Variants in DNAAF4 observed in about 807,000 individuals in gnomAD.
DNAAF4 encodes dynein axonemal assembly factor 4, also known as dynein assembly factor 4, axonemal.
A neutral mutation model predicts 51.8 loss-of-function variants in DNAAF4; 43 were observed. The ratio of observed to expected loss-of-function variants is 0.83; its 90% confidence interval spans 0.65 to 1.07. The LOEUF is 1.07. DNAAF4 is among the 50% of genes least tolerant of loss of function. The pLI is 0.00. For missense variants in DNAAF4, 581 were observed against 493.0 expected, an observed-to-expected ratio of 1.18 and a Z score of -1.69; for synonymous variants, 194 against 165.6, an observed-to-expected ratio of 1.17 and a Z score of -1.32.
chr15:55,476,682 T>TA (rs2141541993), intron 4 of DNAAF4, among the ~76,000 whole-genome samples: 1 of 152,130 alleles, frequency 6.6e-6, no homozygotes, highest in South Asian at 2.1e-4. Flanking sequence ...CAAAGTATGC[T>TA]AAAAAATATA....
intron 1 of DNAAF4, among the ~76,000 whole-genome samples, chr15:55,500,992 CAA>C (rs111778667): frequency 0.15 from 9,579 of 65,754 alleles, 1,043 homozygotes; most frequent in African/African-American, 0.29. Context: ...AACTGAGTCT[CAA>C]AAAAAAAAAA....
Position 55,434,990 on chromosome 15 carries a change from T to C in DNAAF4, c.962A>G (p.Asn321Ser). The stretch of plus-strand genomic sequence containing the variant: ...GTTCAAATACAATAGTGGCATCTTA[T>C]TATTTAGTCTTATGGCTAAATTATA... ...NAYNLAIRLN[N>S]KMPLLYLNRA... is the part of the protein sequence containing the mutation. Residue 321 changes from asparagine to serine, a missense_variant, in exon 8 of 10, where the codon AAT (asparagine) becomes AGT (serine). Physicochemically the swap from Asn to Ser is conservative, Grantham distance 46. Coordinates refer to ENST00000321149, the MANE Select transcript of DNAAF4 (RefSeq NM_130810.4). The C allele has an allele frequency of 6.2e-7, 1 of 1,613,234 alleles. No individual in the cohort carries two copies. The highest frequency in any genetic ancestry group is 1.7e-5 in the Admixed American group (1 of 59,824).
At position 55,450,275 on chromosome 15, in the gene DNAAF4, G is replaced by A. The variant is rs374673795; in HGVS notation, c.730C>T (p.Pro244Ser). 6.2e-7 allele frequency: 1 copy of A among 1,614,010 alleles called. No homozygotes were observed. Among genetic ancestry groups the A allele is most frequent in the Non-Finnish European group, 8.5e-7 (1 of 1,180,002 alleles). Residue 244 changes from proline to serine, a missense_variant, in exon 6 of 10, where the codon CCT (proline) becomes TCT (serine). Transcript: ENST00000321149. The part of the protein sequence containing the change: ...SVGSIKINFT[P>S]RVFPTALRES... ...CGAAGAGCTGTTGGGAATACTCGAG[G>A]GGTAAAGTTGATTTTAATACTGCCA...
intron 6 of DNAAF4, among the ~76,000 whole-genome samples, chr15:55,448,883 AATT>A (rs948737170): frequency 5.3e-5 from 8 of 151,116 alleles, no homozygotes; most frequent in Middle Eastern, 3.5e-3. Context: ...AAATAATAAT[AATT>A]ATTATTATTA....
intron 4 of DNAAF4, among the ~76,000 whole-genome samples, chr15:55,488,113 T>C (rs2058518134): frequency 7.4e-6 from 1 of 135,798 alleles, no homozygotes; most frequent in African/African-American, 3.0e-5. Context: ...CCAATCTTTT[T>C]CTTTTTCTTT....
At chr15:55,418,941 G>GTTTTT (rs1243882949) in intron 7 of DNAAF4, among the ~76,000 whole-genome samples, 2 of 136,024 alleles carry the variant, frequency 1.5e-5, no homozygotes, top group Non-Finnish European at 3.1e-5. Context: ...TTTTTTTTGA[G>GTTTTT]TGAGTTGGAG....
chr15:55,490,878 C>T (rs1044224442), intron 4 of DNAAF4: 19 of 304,530 alleles, frequency 6.2e-5, no homozygotes, highest in African/African-American at 2.8e-4. Context: ...GGCATGAACC[C>T]GGGAAGTGGA....
chr15:55,497,374 T>C (rs951821777), intron 3 of DNAAF4, among the ~76,000 whole-genome samples: 2 of 151,974 alleles, frequency 1.3e-5, no homozygotes, highest in African/African-American at 2.4e-5. Flanking sequence ...GGCGGGTGGA[T>C]CACTTAATGA....
rs1038401311 is a variant in DNAAF4 at position 55,460,831 on chromosome 15, C to A, written c.637+6099G>T. Among the ~76,000 whole-genome samples, 15 of 150,846 alleles carry A rather than the reference C, an allele frequency of 9.9e-5. No individual in the cohort carries two copies. In the East Asian group the frequency reaches 2.9e-3, roughly 29 times the overall value. ...CCAGGCTGGAGTGCAGTGGCGTGATCTCGACTCACCGCAACCTCCACCTCT... is the reference window on the plus strand; with the variant it reads ...CCAGGCTGGAGTGCAGTGGCGTGATATCGACTCACCGCAACCTCCACCTCT... On this transcript the variant is annotated intron_variant, in intron 5 of 9. Coordinates refer to ENST00000321149, the MANE Select transcript of DNAAF4 (RefSeq NM_130810.4).
At position 55,445,964 on chromosome 15, in the gene DNAAF4, G is replaced by C. The variant is rs1256638174; in HGVS notation, c.783+4258C>G. On this transcript the variant is annotated intron_variant, in intron 6 of 9. Transcript: ENST00000321149. ...CGCTCCTCACCTCCCAGACGGGGCG[G>C]CCGGGCAGAGGCGCTCCTCACATCC... Among the ~76,000 whole-genome samples the C allele has an allele frequency of 4.1e-5, 6 of 145,530 alleles. No homozygotes were observed. In the East Asian group the frequency reaches 1.3e-3, roughly 31 times the overall value.
chr15:55,488,476 G>C (rs12905572), intron 4 of DNAAF4, among the ~76,000 whole-genome samples: 38,155 of 152,126 alleles, frequency 0.25, 6,004 homozygotes, highest in Admixed American at 0.37. Context: ...GGATTGCACA[G>C]AGTGAAAATA....
chr15:55,420,613 T>C (rs1458298961), intron 7 of DNAAF4, among the ~76,000 whole-genome samples: 1 of 152,144 alleles, frequency 6.6e-6, no homozygotes, highest in Non-Finnish European at 1.5e-5. Flanking sequence ...AAAACTGATA[T>C]TTAGTAATGG....
chr15:55,459,421 G>A (rs1156324788), intron 5 of DNAAF4, among the ~76,000 whole-genome samples: 19 of 151,688 alleles, frequency 1.3e-4, no homozygotes, highest in Admixed American at 1.2e-3. Context: ...AATCTCATAG[G>A]ATCTATAAAA....
chr15:55,473,295 GTGTATATATA>G (rs1567023507), intron 4 of DNAAF4, among the ~76,000 whole-genome samples: 17 of 128,912 alleles, frequency 1.3e-4, no homozygotes, highest in African/African-American at 2.7e-4. Context: ...GTATATATAT[GTGTATATATA>G]TGTGTGTATA....
At chr15:55,442,976 A>G (rs2057738166) in intron 6 of DNAAF4, 3 of 1,610,450 alleles carry the variant, frequency 1.9e-6, no homozygotes, top group East Asian at 2.2e-5. Flanking sequence ...ACGTCATTGT[A>G]GAACATCACG....
At chr15:55,419,932 G>A (rs982246958) in intron 7 of DNAAF4, among the ~76,000 whole-genome samples, 1 of 152,120 alleles carries the variant, frequency 6.6e-6, no homozygotes, top group African/African-American at 2.4e-5. Context: ...GAACCTGGGA[G>A]GTGGAGGTTG....
chr15:55,427,302 G>C (rs1011350270), downstream of DNAAF4, among the ~76,000 whole-genome samples: 1 of 152,078 alleles, frequency 6.6e-6, no homozygotes, highest in African/African-American at 2.4e-5. Context: ...TCCTGGCCTC[G>C]TGATCCACTC....
intron 6 of DNAAF4, among the ~76,000 whole-genome samples, chr15:55,449,308 ATCT>A (rs1467166527): frequency 1.3e-5 from 2 of 151,218 alleles, no homozygotes; most frequent in African/African-American, 2.4e-5. Flanking sequence ...TGTCTTAAGG[ATCT>A]TCTTATTTCT....
rs753637898 is a variant in DNAAF4, at chr15:55,466,944, T to A, written c.623A>T (p.Asn208Ile). Residue 208 changes from asparagine to isoleucine, a missense_variant, in exon 5 of 10, where the codon AAT becomes ATT. Asn to Ile is a moderately radical substitution (Grantham distance 149). Transcript: ENST00000321149. ...AATCATTTTACCTTTTGGAGCAAGA[T>A]TTCTAGATGCCAAATTTCTAGTAAG... is the stretch of plus-strand genomic sequence containing the variant. ...KSLTRNLASRNLAPKGRNSEN... is the reference protein window; with the variant it reads ...KSLTRNLASRILAPKGRNSEN... The A allele has an allele frequency of 8.8e-6, 14 of 1,584,160 alleles. No individual in the cohort carries two copies. In the African/African-American group the frequency reaches 1.8e-4, roughly 20 times the overall value.
Sources: gnomAD v4.1 joint callset for allele counts (sites outside exome capture counted in the v4.1 genomes callset) on GRCh38, gnomAD v4.1.1 for gene constraint, MANE v1.5 for transcripts, NCBI Gene and HGNC (gene_info 2026-07-23, HGNC 2026-07-21) for gene names.